NUAK1: variants seen among roughly 807,000 people sequenced by gnomAD.
NUAK1 encodes the protein NUAK family SNF1-like kinase 1.
In NUAK1, 26 loss-of-function variants were observed where a neutral mutation model predicts 56.9. That is an observed-to-expected ratio of 0.46 (90% CI 0.33 to 0.63). NUAK1 has a LOEUF of 0.63. Ranked by LOEUF, NUAK1 falls within the 30% of genes least tolerant of loss-of-function variation. The pLI is 0.02. For synonymous variants in NUAK1, 337 were observed against 336.0 expected (o/e 1.00, Z -0.03); for missense variants, 727 against 876.1 (o/e 0.83, Z 2.15).
chr12:106,100,823 ATGT>A (rs995576620), intron 2 of NUAK1, among the ~76,000 whole-genome samples: 12 of 152,150 alleles, frequency 7.9e-5, no homozygotes, highest in African/African-American at 2.9e-4. Context: ...TGTTTTGTTG[ATGT>A]TGTTGTTGTT....
rs749939846 is a variant in NUAK1 at position 106,083,847 on chromosome 12, C to T, written c.579+17G>A. The T allele has an allele frequency of 6.0e-5, 96 of 1,612,508 alleles. 1 individual carries two copies. Among genetic ancestry groups the T allele is most frequent in the Admixed American group, 8.3e-5 (5 of 59,992 alleles). ...GACCCAGGCCCTGCATATCAATCGA[C>T]GACGCAAGGGCTTTACCTTAATATT... On this transcript the variant is annotated intron_variant, in intron 4 of 6. Transcript: ENST00000261402.
At chr12:106,074,479 G>C (rs1469716742) in intron 4 of NUAK1, among the ~76,000 whole-genome samples, 9 of 152,140 alleles carry the variant, frequency 5.9e-5, no homozygotes, top group Non-Finnish European at 1.3e-4. Flanking sequence ...TAAGGAGTTT[G>C]AGGTTACTCA....
Position 106,067,335 on chromosome 12 carries a change from T to G in NUAK1, c.1453A>C (p.Ser485Arg). The G allele has an allele frequency of 6.2e-7, 1 of 1,614,196 alleles. No individual in the cohort carries two copies. The change falls in exon 7 of 7, where the codon AGT becomes CGT. Residue 485 changes from serine to arginine, a missense_variant. Coordinates refer to ENST00000261402, the MANE Select transcript of NUAK1 (RefSeq NM_014840.3). The surrounding 1 kb of genome is among the most constrained non-coding windows in gnomAD (Gnocchi z 6.0). ...CTGTCCAACAGCTCCGAAGACTCACTGCGCTCTGGGGAAGAGTAGTAACCT... is the reference window on the plus strand; with the variant it reads ...CTGTCCAACAGCTCCGAAGACTCACGGCGCTCTGGGGAAGAGTAGTAACCT... Reference protein sequence around the residue: ...ESGYYSSPERSESSELLDSND... With the variant: ...ESGYYSSPERRESSELLDSND...
intron 4 of NUAK1, among the ~76,000 whole-genome samples, chr12:106,074,010 TATGTAC>T (rs1169832590): frequency 6.6e-6 from 1 of 152,052 alleles, no homozygotes; most frequent in African/African-American, 2.4e-5. Context: ...TGTATATGTA[TATGTAC>T]ACATATGTAC....
At chr12:106,116,756 G>A (rs903144836) in intron 1 of NUAK1, among the ~76,000 whole-genome samples, 5 of 152,308 alleles carry the variant, frequency 3.3e-5, no homozygotes, top group African/African-American at 7.2e-5. Context: ...CATCGAGGCC[G>A]CACTGCCTTG....
At chr12:106,080,835 C>T (rs1404969624) in intron 4 of NUAK1, among the ~76,000 whole-genome samples, 2 of 152,170 alleles carry the variant, frequency 1.3e-5, no homozygotes, top group African/African-American at 2.4e-5. Flanking sequence ...CCCGCTGGTT[C>T]GTGGCTCGTG....
chr12:106,124,905 G>A (rs989400119), intron 1 of NUAK1, among the ~76,000 whole-genome samples: 1 of 151,962 alleles, frequency 6.6e-6, no homozygotes, highest in Non-Finnish European at 1.5e-5. Flanking sequence ...GTTGAGGCAG[G>A]AGAATCACTT....
At chr12:106,103,245 G>T (rs1463806416) in intron 2 of NUAK1, 1 of 152,172 alleles carries the variant, frequency 6.6e-6, no homozygotes, top group African/African-American at 2.4e-5. Context: ...CTCAAATAAA[G>T]AACCTGGAAC....
intron 5 of NUAK1, among the ~76,000 whole-genome samples, chr12:106,072,194 TTTG>T (rs2032413051): frequency 6.6e-6 from 1 of 152,020 alleles, no homozygotes; most frequent in African/African-American, 2.4e-5. Flanking sequence ...GAGGCAATTT[TTTG>T]TTTGTTTGTT....
chr12:106,106,570 T>C (rs1289484373), intron 1 of NUAK1, 45 bp from the exon 2 acceptor site: 29 of 1,574,528 alleles, frequency 1.8e-5, no homozygotes, highest in East Asian at 6.8e-5. Context: ...GCTAAACAGA[T>C]GCAAATCAGC....
At position 106,066,887 on chromosome 12, in the gene NUAK1, T is replaced by C. The variant is rs2032344838; in HGVS notation, c.1901A>G (p.Asp634Gly). 6.2e-7 allele frequency: 1 copy of C among 1,614,092 alleles called. No homozygotes were observed. The highest frequency in any genetic ancestry group is 8.5e-7 in the Non-Finnish European group (1 of 1,180,038). ...YLKRYRNRLA[D>G]SSFSLLTDMD... The stretch of plus-strand genomic sequence containing the variant: ...GTCTGTGAGGAGGGAGAAGCTGCTG[T>C]CTGCCAGCCGGTTCCGGTACCGCTT... The change falls in exon 7 of 7, where the codon GAC (aspartate) becomes GGC (glycine). Residue 634 changes from aspartate (D) to glycine (G), a missense_variant. By Grantham distance (94) the Asp-to-Gly change is moderately conservative. Transcript: ENST00000261402.
At chr12:106,120,056 G>C (rs2032958296) in intron 1 of NUAK1, among the ~76,000 whole-genome samples, 1 of 152,122 alleles carries the variant, frequency 6.6e-6, no homozygotes, top group Admixed American at 6.5e-5. Context: ...ATTAACCAGC[G>C]TTCTCCATTC....
intron 1 of NUAK1, among the ~76,000 whole-genome samples, chr12:106,127,665 G>A (rs1181090450): frequency 6.6e-6 from 1 of 152,200 alleles, no homozygotes; most frequent in Non-Finnish European, 1.5e-5. Flanking sequence ...AAGTGTGTAT[G>A]AGAATTGAAG....
At chr12:106,072,695 G>C in intron 5 of NUAK1, 29 bp downstream of exon 5, 1 of 1,607,138 alleles carries the variant, frequency 6.2e-7, no homozygotes, top group Non-Finnish European at 8.5e-7. Flanking sequence ...CCCCTCCCCT[G>C]CCCCATACAC....
Position 106,067,261 on chromosome 12 carries a change from T to C in NUAK1, c.1527A>G (p.Pro509=), listed in dbSNP as rs776494218. ...SSIPSPSPPD[P]ARVTSHSLSC... ...AGAGGCTGTGGGAGGTTACCCTGGC[T>C]GGGTCCGGGGGGCTGGGGGAGGGGA... Residue 509 remains proline, a synonymous_variant, in exon 7 of 7, where the codon CCA becomes CCG. Coordinates refer to ENST00000261402, the MANE Select transcript of NUAK1 (RefSeq NM_014840.3). The surrounding 1 kb of genome is among the most constrained non-coding windows in gnomAD (Gnocchi z 6.0). The C allele has an allele frequency of 6.2e-7, 1 of 1,614,080 alleles. No individual in the cohort carries two copies. The highest frequency in any genetic ancestry group is 1.1e-5 in the South Asian group (1 of 91,082).
At position 106,086,997 on chromosome 12, in the gene NUAK1, T is replaced by C. The variant is rs573051703; in HGVS notation, c.362-112A>G. 2.5e-5 allele frequency: 34 copies of C among 1,376,708 alleles called. No homozygotes were observed. In the East Asian group the frequency reaches 7.5e-4, roughly 30 times the overall value. 85.3% of individuals were successfully genotyped at this position (1,376,708 alleles called of 1,614,324 possible). On this transcript the variant is annotated intron_variant, in intron 2 of 6. Coordinates refer to ENST00000261402, the MANE Select transcript of NUAK1 (RefSeq NM_014840.3). ...AGATGTCGCCAGGCAGAGGATCGAC[T>C]GATGGGTCAGAACACAAATCAGCCA...
Position 106,138,605 on chromosome 12 carries a change from G to T in NUAK1, c.49C>A (p.Leu17Met), listed in dbSNP as rs1220685109. 1 of 1,554,134 alleles carries T rather than the reference G, an allele frequency of 6.4e-7. No homozygotes were observed. The highest frequency in any genetic ancestry group is 1.9e-5 in the Admixed American group (1 of 52,592). ...PVAGDRPDLGLGAPGSPREAV... is the reference protein window; with the variant it reads ...PVAGDRPDLGMGAPGSPREAV... ...TCTCGGGGAGAGCCCGGCGCCCCCA[G>T]CCCCAAGTCGGGGCGGTCCCCCGCC... is the stretch of plus-strand genomic sequence containing the variant. Residue 17 changes from leucine (L) to methionine (M), a missense_variant, in exon 1 of 7, where the codon CTG becomes ATG. Physicochemically the swap from Leu to Met is conservative, Grantham distance 15 (BLOSUM62 2). Coordinates refer to ENST00000261402, the MANE Select transcript of NUAK1 (RefSeq NM_014840.3). The surrounding 1 kb of genome is among the most constrained non-coding windows in gnomAD (Gnocchi z 5.0).
chr12:106,086,242 T>C (rs537483848), intron 3 of NUAK1, among the ~76,000 whole-genome samples: 14 of 151,636 alleles, frequency 9.2e-5, no homozygotes, highest in African/African-American at 3.4e-4. Context: ...TTTTTAATAA[T>C]ATAGGAAAAT....
intron 1 of NUAK1, among the ~76,000 whole-genome samples, chr12:106,120,513 C>T (rs1164599924): frequency 6.6e-6 from 1 of 151,580 alleles, no homozygotes; most frequent in Non-Finnish European, 1.5e-5. Context: ...AGGACGATGT[C>T]GGGGGCAAAG....
Sources: gnomAD v4.1 joint callset for allele counts (sites outside exome capture counted in the v4.1 genomes callset) on GRCh38, gnomAD v4.1.1 for gene constraint, Gnocchi (gnomAD v3.1) non-coding constraint, MANE v1.5 for transcripts, NCBI Gene and HGNC (gene_info 2026-07-23, HGNC 2026-07-21) for gene names.